The following KIR3DL2 variants were observed in gnomAD, a reference collection of about 807,000 sequenced individuals.
KIR3DL2 encodes killer cell immunoglobulin-like receptor 3DL2.
KIR3DL2 carries 42 observed loss-of-function variants against 41.6 expected under a neutral mutation model. The ratio of observed to expected loss-of-function variants is 1.01; its 90% CI spans 0.79 to 1.31. The LOEUF (loss-of-function observed/expected upper bound fraction) is 1.31, where lower values mean the gene tolerates loss of function less well. KIR3DL2 is among the 50% of genes most tolerant of loss of function. The pLI is 0.00. For synonymous variants in KIR3DL2, 230 were observed against 221.3 expected (o/e 1.04, Z -0.35); for missense variants, 728 against 576.8 (o/e 1.26, Z -2.68).
chr19:54,861,848 T>C (rs1334364396), intron 6 of KIR3DL2, among the ~76,000 whole-genome samples: 3 of 151,842 alleles, frequency 2.0e-5, no homozygotes, highest in South Asian at 2.1e-4. Context: ...GAAAGCCCCC[T>C]GAACCCACCA....
intron 6 of KIR3DL2, among the ~76,000 whole-genome samples, chr19:54,862,705 AGCACAG>A (rs149015982): frequency 0.042 from 6,435 of 151,822 alleles, 174 homozygotes; most frequent in Middle Eastern, 0.092. Context: ...ACAGGAAGAC[AGCACAG>A]GCTGTTCTGA....
intron 5 of KIR3DL2, 68 bp downstream of exon 5, chr19:54,855,980 AT>A: frequency 6.4e-7 from 1 of 1,562,494 alleles, no homozygotes; most frequent in Non-Finnish European, 8.8e-7. Context: ...CTTCCTGCCG[AT>A]GATGGGGAGA....
chr19:54,863,935 C>T (rs1331863541), intron 6 of KIR3DL2, among the ~76,000 whole-genome samples: 1 of 152,060 alleles, frequency 6.6e-6, no homozygotes, highest in Non-Finnish European at 1.5e-5. Context: ...CTTGTCCATG[C>T]CTATGTCCTG....
rs200521542 is a variant in KIR3DL2 at position 54,852,027 on chromosome 19, C to A, written c.100C>A (p.Arg34=). The A allele has an allele frequency of 4.4e-6, 7 of 1,608,962 alleles. No individual in the cohort carries two copies. The highest frequency in any genetic ancestry group is 5.9e-6 in the Non-Finnish European group (7 of 1,177,336). Residue 34 remains arginine, a synonymous_variant, in exon 3 of 9, where the codon CGG becomes AGG. Transcript: ENST00000326321. ...TCAGGACAAACCCTTCCTGTCTGCC[C>A]GGCCCAGCACTGTGGTGCCTCGAGG... ...GGQDKPFLSA[R]PSTVVPRGGH...
rs1205519046 is a variant in KIR3DL2 at position 54,852,662 on chromosome 19, G to C, written c.355+380G>C. Among the ~76,000 whole-genome samples, 116 of 151,298 alleles carry C rather than the reference G, an allele frequency of 7.7e-4. 5 individuals are homozygous for C. The highest frequency in any genetic ancestry group is 2.7e-3 in the African/African-American group (110 of 40,868). On this transcript the variant is annotated intron_variant, in intron 3 of 8. Transcript: ENST00000326321. ...GGGATTAGAGCAGTGTAGTGGGAGGGAGACGCTATCAGCCACTGTGGGCTT... is the reference window on the plus strand; with the variant it reads ...GGGATTAGAGCAGTGTAGTGGGAGGCAGACGCTATCAGCCACTGTGGGCTT...
chr19:54,856,097 G>C (rs367784776), intron 5 of KIR3DL2, among the ~76,000 whole-genome samples, 185 bp downstream of exon 5: 5,489 of 151,500 alleles, frequency 0.036, 463 homozygotes, highest in African/African-American at 0.13. Context: ...GGCCTGCATG[G>C]AGGCCCATGG....
At chr19:54,864,023 TA>T (rs200450926) in intron 6 of KIR3DL2, among the ~76,000 whole-genome samples, 6,486 of 152,180 alleles carry the variant, frequency 0.043, 181 homozygotes, top group Middle Eastern at 0.092. Flanking sequence ...CATCTCAAAT[TA>T]ATTTTTGTAT....
At chr19:54,852,705 C>T (rs1601735179) in intron 3 of KIR3DL2, among the ~76,000 whole-genome samples, 1 of 150,734 alleles carries the variant, frequency 6.6e-6, no homozygotes, top group Non-Finnish European at 1.5e-5. Flanking sequence ...GGAGGAAGGC[C>T]ACTAGTCACA....
At chr19:54,852,992 T>C (rs2064415520) in intron 3 of KIR3DL2, among the ~76,000 whole-genome samples, 2 of 149,888 alleles carry the variant, frequency 1.3e-5, no homozygotes, top group Non-Finnish European at 3.0e-5. Context: ...GCACGAGTAA[T>C]CCAACGACTG....
In KIR3DL2 at chr19:54,856,258, CAG is replaced by C. The variant is rs1342755308; in HGVS notation, c.949+352_949+353del. ...AGCCCATCCTGGCCTCTCACCCACACAGAGAGATGTCATCACCAGCAACCCCT... is the reference window on the plus strand; with the variant it reads ...AGCCCATCCTGGCCTCTCACCCACACAGAGATGTCATCACCAGCAACCCCT... On this transcript the variant is annotated intron_variant, in intron 5 of 8. Coordinates refer to ENST00000326321, the MANE Select transcript of KIR3DL2 (RefSeq NM_006737.4). 2.6e-5 allele frequency among the ~76,000 whole-genome samples: 4 copies of C among 151,370 alleles called. 1 individual carries two copies. Among genetic ancestry groups the C allele is most frequent in the Non-Finnish European group, 5.9e-5 (4 of 67,948 alleles).
chr19:54,852,211 G>T lies in KIR3DL2; in HGVS notation c.284G>T (p.Cys95Phe), dbSNP rs1296730718. 2 of 1,612,084 alleles carry T rather than the reference G, an allele frequency of 1.2e-6. No individual in the cohort carries two copies. The highest frequency in any genetic ancestry group is 3.3e-5 in the Admixed American group (2 of 59,922). Residue 95 changes from cysteine to phenylalanine, a missense_variant, in exon 3 of 9, where the codon TGT becomes TTT. Cys to Phe is a radical substitution (Grantham distance 205, BLOSUM62 -2). Transcript: ENST00000326321. Reference sequence around the variant, plus strand: ...CCAGCACATGCAGGGACCTACAGATGTCGGGGTTCACGCCCACACTCCCTC... The same window carrying T: ...CCAGCACATGCAGGGACCTACAGATTTCGGGGTTCACGCCCACACTCCCTC... ...VTPAHAGTYR[C>F]RGSRPHSLTG...
rs965756637 is a variant in KIR3DL2 at position 54,852,042 on chromosome 19, G to C, written c.115G>C (p.Val39Leu). The change falls in exon 3 of 9, where the codon GTG (valine) becomes CTG (leucine). Residue 39 changes from valine (V) to leucine (L), a missense_variant. Coordinates refer to ENST00000326321, the MANE Select transcript of KIR3DL2 (RefSeq NM_006737.4). ...PFLSARPSTVVPRGGHVALQC... is the reference protein window; with the variant it reads ...PFLSARPSTVLPRGGHVALQC... ...CCTGTCTGCCCGGCCCAGCACTGTG[G>C]TGCCTCGAGGAGGACACGTGGCTCT... The C allele has an allele frequency of 6.2e-7, 1 of 1,611,936 alleles. No homozygotes were observed. Among genetic ancestry groups the C allele is most frequent in the African/African-American group, 1.3e-5 (1 of 74,400 alleles).
At chr19:54,854,642 G>A (rs2064589667) in intron 4 of KIR3DL2, among the ~76,000 whole-genome samples, 1 of 151,738 alleles carries the variant, frequency 6.6e-6, no homozygotes, top group South Asian at 2.1e-4. Context: ...ACATATAATA[G>A]GATCACTGAG....
At chr19:54,857,413 T>G (rs868624607) in intron 5 of KIR3DL2, among the ~76,000 whole-genome samples, 4 of 151,344 alleles carry the variant, frequency 2.6e-5, no homozygotes, top group African/African-American at 9.8e-5. Context: ...TTTAAAGATT[T>G]TCCATACTTT....
At position 54,859,022 on chromosome 19, in the gene KIR3DL2, A is replaced by G. The variant is rs1422591855; in HGVS notation, c.950-57A>G. 3.9e-6 allele frequency: 6 copies of G among 1,538,388 alleles called. No homozygotes were observed. The Admixed American group carries it at 5.1e-5, about 13-fold the overall frequency. ...CCATGAACCAACCTCAAAGATTTCC[A>G]TTGAGTAGAGGACAAGCACCCTCAT... On this transcript the variant is annotated intron_variant, in intron 5 of 8. Coordinates refer to ENST00000326321, the MANE Select transcript of KIR3DL2 (RefSeq NM_006737.4).
intron 6 of KIR3DL2, among the ~76,000 whole-genome samples, chr19:54,859,440 G>A (rs1272396774): frequency 2.6e-5 from 4 of 151,684 alleles, no homozygotes; most frequent in Non-Finnish European, 5.9e-5. Flanking sequence ...AAATTCCCGG[G>A]GGCTTGAGAG....
At chr19:54,852,838 C>A (rs1162145993) in intron 3 of KIR3DL2, among the ~76,000 whole-genome samples, 3 of 151,062 alleles carry the variant, frequency 2.0e-5, no homozygotes, top group Non-Finnish European at 4.4e-5. Flanking sequence ...CAATTTCTGT[C>A]CCCAGAAGTG....
chr19:54,859,544 G>C (rs1446325312), intron 6 of KIR3DL2, among the ~76,000 whole-genome samples: 41 of 151,924 alleles, frequency 2.7e-4, no homozygotes, highest in African/African-American at 9.6e-4. Flanking sequence ...GGCAACCCTG[G>C]CTGACTCAGC....
At chr19:54,857,009 T>C (rs1432441793) in intron 5 of KIR3DL2, among the ~76,000 whole-genome samples, 2 of 152,106 alleles carry the variant, frequency 1.3e-5, no homozygotes, top group Admixed American at 1.3e-4. Context: ...TGAGTGCAGA[T>C]ATCACTTCGA....
Sources: allele counts gnomAD v4.1 joint callset (sites outside exome capture counted in the v4.1 genomes callset), GRCh38; gene constraint gnomAD v4.1.1; transcripts MANE v1.5; gene names NCBI Gene and HGNC (gene_info 2026-07-23, HGNC 2026-07-21).